ARHGAP26: variants seen among roughly 807,000 people sequenced by gnomAD.
ARHGAP26 encodes rho GTPase-activating protein 26.
A neutral mutation model predicts 104.8 loss-of-function variants in ARHGAP26; 38 were observed. The ratio of observed to expected loss-of-function variants is 0.36; its 90% confidence interval spans 0.28 to 0.48. The LOEUF (loss-of-function observed/expected upper bound fraction) is 0.48. Among genes scored for constraint, ARHGAP26 ranks in the 20% least tolerant of loss-of-function variants. The pLI, the probability that ARHGAP26 is intolerant of heterozygous loss-of-function variation, is 0.99. For missense variants in ARHGAP26, 704 were observed against 947.9 expected, an observed-to-expected ratio of 0.74 and a Z score of 3.38; for synonymous variants, 341 against 340.0, an observed-to-expected ratio of 1.00 and a Z score of -0.03.
chr5:143,213,928 G>T lies in ARHGAP26; in HGVS notation c.2100-69G>T. 4.8e-6 allele frequency: 5 copies of T among 1,049,464 alleles called. No homozygotes were observed. The South Asian group carries it at 7.4e-5, about 16-fold the overall frequency. 65.0% of individuals were successfully genotyped at this position (1,049,464 alleles called of 1,614,324 possible). A position where few individuals can be genotyped will look rare whatever the true frequency, so the allele number is the denominator to read the frequency against. Reference sequence around the variant, plus strand: ...TAGCTTACAGGGAAAGGGAAGAAGAGAGATGAAATGTCTGGGGCTTTCTAA... The same window carrying T: ...TAGCTTACAGGGAAAGGGAAGAAGATAGATGAAATGTCTGGGGCTTTCTAA... On this transcript the variant is annotated intron_variant, in intron 21 of 22. Transcript: ENST00000645722.
chr5:143,061,866 C>T (rs1157966784), intron 17 of ARHGAP26, among the ~76,000 whole-genome samples: 2 of 152,220 alleles, frequency 1.3e-5, no homozygotes, highest in East Asian at 3.8e-4. Flanking sequence ...GGCATTATTT[C>T]TTCTCTGAGT....
Position 143,224,540 on chromosome 5 carries a change from A to G in ARHGAP26, c.*2094A>G, listed in dbSNP as rs371966674. On this transcript the variant is annotated 3_prime_UTR_variant, in exon 23 of 23. Coordinates refer to ENST00000645722, the MANE Select transcript of ARHGAP26 (RefSeq NM_001135608.3). Reference sequence around the variant, plus strand: ...AGTTTTTGTCTTTCTTCTCAGGTGTATTTCTTGGTACCCCCAAGATATCAG... The same window carrying G: ...AGTTTTTGTCTTTCTTCTCAGGTGTGTTTCTTGGTACCCCCAAGATATCAG... 48 of 231,120 alleles carry G rather than the reference A, an allele frequency of 2.1e-4. No individual in the cohort carries two copies. The East Asian group carries it at 2.7e-3, about 13-fold the overall frequency. The allele number at this position is 231,120 out of a possible 1,614,324, so 14.3% of individuals were successfully genotyped here.
At chr5:142,901,314 A>G (rs1244421262) in intron 6 of ARHGAP26, among the ~76,000 whole-genome samples, 1 of 152,236 alleles carries the variant, frequency 6.6e-6, no homozygotes, top group Non-Finnish European at 1.5e-5. Flanking sequence ...TAGGGAAACC[A>G]CCATAAGTGA....
intron 17 of ARHGAP26, among the ~76,000 whole-genome samples, chr5:143,073,691 T>G (rs909149971): frequency 5.9e-5 from 9 of 152,354 alleles, no homozygotes; most frequent in African/African-American, 1.9e-4. Context: ...TTAAAAAGTA[T>G]GTACACACAC....
intron 14 of ARHGAP26, among the ~76,000 whole-genome samples, chr5:143,051,008 A>G (rs947618615): frequency 6.6e-6 from 1 of 152,206 alleles, no homozygotes; most frequent in African/African-American, 2.4e-5. Flanking sequence ...GAGATAGGAA[A>G]TGCACATAAA....
At chr5:143,107,803 CT>C (rs1794227745) in intron 17 of ARHGAP26, among the ~76,000 whole-genome samples, 1 of 152,204 alleles carries the variant, frequency 6.6e-6, no homozygotes, top group African/African-American at 2.4e-5. Flanking sequence ...TCTCTGGTTT[CT>C]GTTGTCAACC....
chr5:142,937,608 G>C (rs1765619369), intron 11 of ARHGAP26, among the ~76,000 whole-genome samples: 2 of 152,174 alleles, frequency 1.3e-5, no homozygotes, highest in Admixed American at 1.3e-4. Flanking sequence ...CCTCATAGCA[G>C]CTTTATTCAT....
intron 20 of ARHGAP26, among the ~76,000 whole-genome samples, chr5:143,197,718 T>G (rs1260249691): frequency 6.6e-6 from 1 of 152,198 alleles, no homozygotes; most frequent in African/African-American, 2.4e-5. Context: ...TTTGGGAACC[T>G]TCAGTTTCTG....
rs978899881 is a variant in ARHGAP26 at position 143,092,111 on chromosome 5, A to G, written c.1539-28877A>G. Among the ~76,000 whole-genome samples, 6 of 149,644 alleles carry G rather than the reference A, an allele frequency of 4.0e-5. No homozygotes were observed. The East Asian group carries it at 9.7e-4, about 24-fold the overall frequency. On this transcript the variant is annotated intron_variant, in intron 17 of 22. Transcript: ENST00000645722. The stretch of plus-strand genomic sequence containing the variant: ...CTTTTTTTCATGACTTTTACAGACA[A>G]TTCTTCGACATGCCTCAACTTTCTG...
At chr5:142,837,031 G>A (rs186290423) in intron 1 of ARHGAP26, among the ~76,000 whole-genome samples, 4 of 152,230 alleles carry the variant, frequency 2.6e-5, no homozygotes, top group Admixed American at 1.3e-4. Context: ...TAAATCTCTC[G>A]CAGAACGCAT....
chr5:142,987,853 A>C (rs1216979731), intron 11 of ARHGAP26, among the ~76,000 whole-genome samples: 3 of 152,134 alleles, frequency 2.0e-5, no homozygotes, highest in Non-Finnish European at 4.4e-5. Context: ...AGCCCACTTG[A>C]TCGTGGTAGA....
chr5:143,118,803 G>A (rs557968617), intron 17 of ARHGAP26, among the ~76,000 whole-genome samples: 11 of 151,928 alleles, frequency 7.2e-5, no homozygotes, highest in Non-Finnish European at 1.5e-4. Flanking sequence ...GTGGGGAGAG[G>A]GGGGAGGGAT....
At chr5:143,185,582 A>C (rs992607311) in intron 20 of ARHGAP26, among the ~76,000 whole-genome samples, 1 of 152,176 alleles carries the variant, frequency 6.6e-6, no homozygotes, top group Non-Finnish European at 1.5e-5. Context: ...TTCCAAAAGC[A>C]AAAAATGGCT....
chr5:143,147,524 G>A, intron 20 of ARHGAP26, 143 bp downstream of exon 20: 2 of 944,798 alleles, frequency 2.1e-6, no homozygotes, highest in Non-Finnish European at 3.1e-6. Flanking sequence ...GAGCTCAGCT[G>A]GCTTGTTGTG....
At chr5:143,205,030 A>G (rs573834065) in intron 20 of ARHGAP26, among the ~76,000 whole-genome samples, 2 of 152,108 alleles carry the variant, frequency 1.3e-5, no homozygotes, top group African/African-American at 2.4e-5. Flanking sequence ...GAGGACTGAG[A>G]AAGTGAGGCC....
At chr5:142,837,531 C>T (rs1769830017) in intron 1 of ARHGAP26, among the ~76,000 whole-genome samples, 1 of 152,222 alleles carries the variant, frequency 6.6e-6, no homozygotes, top group Admixed American at 6.5e-5. Context: ...GGTTTTTAGG[C>T]TTGCAGTGGC....
At chr5:142,861,004 G>T (rs1487168064) in intron 1 of ARHGAP26, among the ~76,000 whole-genome samples, 1 of 152,182 alleles carries the variant, frequency 6.6e-6, no homozygotes, top group African/African-American at 2.4e-5. Flanking sequence ...TATTGCAAGC[G>T]GTGTTCAGAC....
chr5:142,771,279 C>G, intron 1 of ARHGAP26: 1 of 1,243,462 alleles, frequency 8.0e-7, no homozygotes, highest in Non-Finnish European at 1.0e-6. Context: ...GTCCACAGCT[C>G]CAGCTCCCTT....
intron 17 of ARHGAP26, among the ~76,000 whole-genome samples, chr5:143,108,517 C>T (rs1340016900): frequency 6.6e-6 from 1 of 152,088 alleles, no homozygotes; most frequent in African/African-American, 2.4e-5. Context: ...TTGTCAATTC[C>T]AGTCACTTTG....
Sources: allele counts gnomAD v4.1 joint callset (sites outside exome capture counted in the v4.1 genomes callset), GRCh38; gene constraint gnomAD v4.1.1; transcripts MANE v1.5; gene names NCBI Gene and HGNC (gene_info 2026-07-23, HGNC 2026-07-21).